The following FAM163A variants were observed in gnomAD, a reference collection of about 807,000 sequenced individuals.
The protein encoded by FAM163A is protein FAM163A.
FAM163A carries 7 observed loss-of-function variants against 12.0 expected under a neutral mutation model. The ratio of observed to expected loss-of-function variants is 0.58; its 90% CI spans 0.33 to 1.10. The LOEUF (loss-of-function observed/expected upper bound fraction) is 1.10, where lower values mean the gene tolerates loss of function less well. Ranked by LOEUF, FAM163A falls within the 50% of genes least tolerant of loss-of-function variation. The pLI is 0.03. For missense variants in FAM163A, 202 were observed against 218.6 expected, an observed-to-expected ratio of 0.92 and a Z score of 0.48; for synonymous variants, 101 against 91.0, an observed-to-expected ratio of 1.11 and a Z score of -0.62.
chr1:179,748,167 T>C (rs1212001643), intron 1 of FAM163A, among the ~76,000 whole-genome samples: 1 of 152,140 alleles, frequency 6.6e-6, no homozygotes, highest in African/African-American at 2.4e-5. Flanking sequence ...CCTGAGAGCC[T>C]CTCTCATTGC....
chr1:179,738,411 AT>A (rs1333306324), upstream of FAM163A, among the ~76,000 whole-genome samples: 16 of 152,234 alleles, frequency 1.1e-4, no homozygotes, highest in African/African-American at 3.4e-4. Context: ...AAAAGCAAAA[AT>A]ATCACAAAAA....
intron 2 of FAM163A, among the ~76,000 whole-genome samples, chr1:179,811,740 G>T (rs1303995029): frequency 1.3e-5 from 2 of 152,210 alleles, no homozygotes; most frequent in Admixed American, 1.3e-4. Context: ...GTGCAGTTGG[G>T]TTCTAGCCCC....
chr1:179,744,042 G>T (rs1003929543), intron 1 of FAM163A, among the ~76,000 whole-genome samples: 3 of 152,170 alleles, frequency 2.0e-5, no homozygotes, highest in Non-Finnish European at 4.4e-5. Context: ...ACCGGGGCTC[G>T]GTTTGCTGGT....
Position 179,814,162 on chromosome 1 carries a change from T to C in FAM163A, c.477T>C (p.Asn159=), listed in dbSNP as rs1695087824. 5 of 1,613,980 alleles carry C rather than the reference T, an allele frequency of 3.1e-6. No homozygotes were observed. Among genetic ancestry groups the C allele is most frequent in the African/African-American group, 1.3e-5 (1 of 75,014 alleles). The change falls in exon 5 of 5, where the codon AAT becomes AAC. Residue 159 remains asparagine, a synonymous_variant. Coordinates refer to ENST00000341785, the MANE Select transcript of FAM163A (RefSeq NM_173509.3). ...GCTCTGGGCGTGAGGCCTTCACCAA[T>C]CCAAGGGCTATTAGTACAGACGTGT... ...WPGSGREAFT[N]PRAISTDV
At chr1:179,736,113 G>T in the FAM163A span, among the ~76,000 whole-genome samples, 1 of 152,136 alleles carries the variant, frequency 6.6e-6, no homozygotes, top group African/African-American at 2.4e-5. Context: ...TCCTGATACT[G>T]GTTTTGGCAA....
At chr1:179,788,448 C>T (rs1364207722) in intron 1 of FAM163A, among the ~76,000 whole-genome samples, 1 of 152,236 alleles carries the variant, frequency 6.6e-6, no homozygotes, top group East Asian at 1.9e-4. Flanking sequence ...ACCTGCTCTT[C>T]CACTGGCCCT....
At chr1:179,756,958 C>T (rs1186811836) in intron 1 of FAM163A, among the ~76,000 whole-genome samples, 4 of 152,128 alleles carry the variant, frequency 2.6e-5, no homozygotes, top group Admixed American at 6.5e-5. Flanking sequence ...AGTTGGAGGC[C>T]AGATTTCTGT....
At position 179,813,148 on chromosome 1, in the gene FAM163A, C is replaced by T. The variant is rs1694936136; in HGVS notation, c.51C>T (p.Ile17=). 2 of 1,551,936 alleles carry T rather than the reference C, an allele frequency of 1.3e-6. No homozygotes were observed. Among genetic ancestry groups the T allele is most frequent in the African/African-American group, 2.7e-5 (2 of 73,200 alleles). The part of the protein sequence containing the change: ...VITGGILATV[I]LLCIIAVLCY... ...CTGGCGGAATCCTAGCTACGGTGAT[C>T]CTCCTCTGCATCATTGCCGTCCTGT... Residue 17 remains isoleucine, a synonymous_variant, in exon 4 of 5, where the codon ATC becomes ATT. Coordinates refer to ENST00000341785, the MANE Select transcript of FAM163A (RefSeq NM_173509.3).
chr1:179,812,927 T>G, intron 3 of FAM163A, 149 bp from the exon 4 acceptor site: 1 of 679,518 alleles, frequency 1.5e-6, no homozygotes, highest in Non-Finnish European at 2.5e-6. Flanking sequence ...GTCCTCAGCC[T>G]TCAGGAAACC....
the FAM163A span, among the ~76,000 whole-genome samples, chr1:179,737,707 C>G: frequency 6.6e-6 from 1 of 151,908 alleles, no homozygotes; most frequent in Non-Finnish European, 1.5e-5. Flanking sequence ...TGGTGGCAGG[C>G]GCCTGTAGTC....
the FAM163A span, among the ~76,000 whole-genome samples, chr1:179,730,724 ACT>A: frequency 6.6e-6 from 1 of 152,172 alleles, no homozygotes; most frequent in Admixed American, 6.5e-5. Context: ...GCAAAAAAGC[ACT>A]CTTTTATGTA....
intron 1 of FAM163A, among the ~76,000 whole-genome samples, chr1:179,758,800 G>T (rs1260469987): frequency 6.6e-6 from 1 of 152,134 alleles, no homozygotes; most frequent in Non-Finnish European, 1.5e-5. Context: ...GGCTGCCTCA[G>T]CCCCTTCCTT....
At chr1:179,732,181 A>G in the FAM163A span, among the ~76,000 whole-genome samples, 1 of 152,284 alleles carries the variant, frequency 6.6e-6, no homozygotes, top group Non-Finnish European at 1.5e-5. Context: ...GGAATCACTT[A>G]CAGAGGTTTC....
chr1:179,787,539 T>A (rs1690820658), intron 1 of FAM163A, among the ~76,000 whole-genome samples: 1 of 152,160 alleles, frequency 6.6e-6, no homozygotes, highest in Non-Finnish European at 1.5e-5. Flanking sequence ...CAGCACCTGC[T>A]CCACAGGCAG....
intron 1 of FAM163A, among the ~76,000 whole-genome samples, chr1:179,781,477 G>A (rs182021392): frequency 1.0e-3 from 159 of 151,914 alleles, no homozygotes; most frequent in Non-Finnish European, 1.8e-3. Context: ...CCGAGAAAGG[G>A]GCTCAAATGA....
intron 1 of FAM163A, among the ~76,000 whole-genome samples, chr1:179,796,465 T>C (rs1692337220): frequency 1.3e-5 from 2 of 152,238 alleles, no homozygotes; most frequent in Non-Finnish European, 2.9e-5. Flanking sequence ...ATTTCATTCA[T>C]AACATATTGT....
intron 1 of FAM163A, among the ~76,000 whole-genome samples, chr1:179,752,895 C>T (rs922123988): frequency 6.6e-6 from 1 of 151,976 alleles, no homozygotes; most frequent in African/African-American, 2.4e-5. Flanking sequence ...GGAGGTTTCT[C>T]AAAAAATTAA....
rs1367422599 is a variant in FAM163A at position 179,813,979 on chromosome 1, C to T, written c.294C>T (p.Cys98=). 1.1e-5 allele frequency: 18 copies of T among 1,613,820 alleles called. No individual in the cohort carries two copies. The highest frequency in any genetic ancestry group is 1.7e-5 in the Admixed American group (1 of 60,002). ...TGGCCGCGAGCCACTGCACTACCTG[C>T]TCCCCATACAGCTCCCCCTTTTACA... is the stretch of plus-strand genomic sequence containing the variant. ...CGVAASHCTT[C]SPYSSPFYIR... Residue 98 remains cysteine (C), a synonymous_variant, in exon 5 of 5, where the codon TGC becomes TGT. Transcript: ENST00000341785.
chr1:179,812,926 C>A (rs1231230880), intron 3 of FAM163A, 150 bp from the exon 4 acceptor site: 2 of 675,894 alleles, frequency 3.0e-6, no homozygotes, highest in Non-Finnish European at 5.0e-6. Flanking sequence ...CGTCCTCAGC[C>A]TTCAGGAAAC....
Sources: gnomAD v4.1 joint callset for allele counts (sites outside exome capture counted in the v4.1 genomes callset) on GRCh38, gnomAD v4.1.1 for gene constraint, MANE v1.5 for transcripts, NCBI Gene and HGNC (gene_info 2026-07-23, HGNC 2026-07-21) for gene names.